The following PCDHGA8 variants were observed in gnomAD, a reference collection of about 807,000 sequenced individuals.
PCDHGA8 encodes protocadherin gamma-A8.
Under a neutral mutation model 59.2 loss-of-function variants are expected in PCDHGA8, and 45 were observed. The ratio of observed to expected loss-of-function variants is 0.76; its 90% confidence interval spans 0.60 to 0.98. PCDHGA8 has a LOEUF of 0.98. Ranked by LOEUF, PCDHGA8 falls within the 50% of genes least tolerant of loss-of-function variation. PCDHGA8 has a pLI of 0.00. For synonymous variants in PCDHGA8, 531 were observed against 519.0 expected, an observed-to-expected ratio of 1.02 and a Z score of -0.32; for missense variants, 1,257 against 1,196.2, an observed-to-expected ratio of 1.05 and a Z score of -0.75.
Position 141,486,914 on chromosome 5 carries a change from C to T in PCDHGA8, c.2425-7893C>T, listed in dbSNP as rs1469857080. On this transcript the variant is annotated intron_variant, in intron 1 of 3. Coordinates refer to ENST00000398604, the MANE Select transcript of PCDHGA8 (RefSeq NM_032088.2). This position sits in a 1 kb window ranked among gnomAD's most constrained non-coding sequence, Gnocchi z 5.0. ...TGGTTCCTTATGTCCCCAAGCACTG[C>T]CTCCATCAGTTGGTGCTGGCCACCT... The T allele has an allele frequency of 6.2e-7, 1 of 1,614,236 alleles. No individual in the cohort carries two copies.
chr5:141,460,981 GTGTATATATA>G (rs1332002052), intron 1 of PCDHGA8, among the ~76,000 whole-genome samples: 6 of 121,884 alleles, frequency 4.9e-5, no homozygotes, highest in Non-Finnish European at 1.0e-4. Flanking sequence ...GTGTGTGTGT[GTGTATATATA>G]TATATGTGTA....
At chr5:141,467,597 A>T (rs2099147099) in intron 1 of PCDHGA8, among the ~76,000 whole-genome samples, 1 of 152,136 alleles carries the variant, frequency 6.6e-6, no homozygotes, top group Non-Finnish European at 1.5e-5. Flanking sequence ...TTTATTAAGC[A>T]CTTCATCTTT....
chr5:141,423,758 G>GGGT, intron 1 of PCDHGA8: 1 of 366,842 alleles, frequency 2.7e-6, no homozygotes, highest in Non-Finnish European at 3.8e-6. Context: ...TTTGGGGGGG[G>GGGT]GGTGGGGCGG....
In PCDHGA8 at chr5:141,512,739, T is replaced by C. The variant is rs1251649814; in HGVS notation, c.*1566T>C. The stretch of plus-strand genomic sequence containing the variant: ...GGCGGGTGGGCAGCGGGCGGCGGGC[T>C]CCGCGCAGCCGTCTGTCCTTGATCT... On this transcript the variant is annotated 3_prime_UTR_variant, in exon 4 of 4. Transcript: ENST00000398604. 1 of 152,822 alleles carries C rather than the reference T, an allele frequency of 6.5e-6. No individual in the cohort carries two copies. The highest frequency in any genetic ancestry group is 2.4e-5 in the African/African-American group (1 of 41,464). 9.5% of individuals were successfully genotyped at this position (152,822 alleles called of 1,614,324 possible).
chr5:141,434,747 C>T (rs2097714000), intron 1 of PCDHGA8, among the ~76,000 whole-genome samples: 1 of 151,606 alleles, frequency 6.6e-6, no homozygotes, highest in South Asian at 2.1e-4. Flanking sequence ...GCTATGAGAC[C>T]CCTGATTCCC....
chr5:141,457,079 C>T (rs114054058), intron 1 of PCDHGA8, among the ~76,000 whole-genome samples: 2,973 of 152,194 alleles, frequency 0.02, 43 homozygotes, highest in African/African-American at 0.029. Flanking sequence ...AACTATTATC[C>T]CTGCTATAAG....
At chr5:141,413,572 A>C in intron 1 of PCDHGA8, 2 of 1,613,890 alleles carry the variant, frequency 1.2e-6, no homozygotes, top group Non-Finnish European at 1.7e-6. Context: ...TATCAATGAC[A>C]ATGCTCCAAA....
chr5:141,505,143 C>G lies in PCDHGA8; in HGVS notation c.2484-250C>G, dbSNP rs578261428. ...CGCCACTGCACTCCAGCCTGGATGA[C>G]AGAGTAAGACCCTGTCTAAAACAAA... On this transcript the variant is annotated intron_variant, in intron 2 of 3. Coordinates refer to ENST00000398604, the MANE Select transcript of PCDHGA8 (RefSeq NM_032088.2). Among the ~76,000 whole-genome samples the G allele has an allele frequency of 3.3e-5, 5 of 152,290 alleles. No homozygotes were observed. The East Asian group carries it at 7.7e-4, about 24-fold the overall frequency.
At chr5:141,446,798 T>C (rs1223789118) in intron 1 of PCDHGA8, among the ~76,000 whole-genome samples, 1 of 152,160 alleles carries the variant, frequency 6.6e-6, no homozygotes, top group Non-Finnish European at 1.5e-5. Flanking sequence ...AGTTCTTCCA[T>C]TGTGATCATC....
intron 2 of PCDHGA8, among the ~76,000 whole-genome samples, chr5:141,497,879 G>A (rs62379207): frequency 4.6e-4 from 70 of 152,244 alleles, no homozygotes; most frequent in Non-Finnish European, 8.2e-4. Flanking sequence ...TGAAATAAGC[G>A]TTAGGATCTA....
intron 1 of PCDHGA8, chr5:141,409,110 A>T: frequency 6.2e-7 from 1 of 1,614,060 alleles, no homozygotes; most frequent in Non-Finnish European, 8.5e-7. Context: ...ATGATTAAGA[A>T]TAACCAGTCA....
At chr5:141,480,021 C>T (rs1415230863) in intron 1 of PCDHGA8, among the ~76,000 whole-genome samples, 2 of 152,208 alleles carry the variant, frequency 1.3e-5, no homozygotes, top group East Asian at 3.8e-4. Flanking sequence ...AATCTCCTTT[C>T]TAAGCCTCTT....
chr5:141,502,634 T>C (rs1306951640), intron 2 of PCDHGA8, among the ~76,000 whole-genome samples: 1 of 152,228 alleles, frequency 6.6e-6, no homozygotes. Flanking sequence ...CTGTGGATGA[T>C]ACTTTGAGAT....
At chr5:141,409,872 A>T in intron 1 of PCDHGA8, 1 of 1,612,828 alleles carries the variant, frequency 6.2e-7, no homozygotes. Context: ...GACCGCAATG[A>T]CAACGCACCG....
intron 1 of PCDHGA8, chr5:141,414,071 A>C: frequency 6.2e-7 from 1 of 1,606,780 alleles, no homozygotes; most frequent in Non-Finnish European, 8.5e-7. Flanking sequence ...TTCCAACTAA[A>C]CAAATATACT....
chr5:141,421,953 G>A lies in PCDHGA8; in HGVS notation c.2424+26716G>A, dbSNP rs193141134. On this transcript the variant is annotated intron_variant, in intron 1 of 3. Coordinates refer to ENST00000398604, the MANE Select transcript of PCDHGA8 (RefSeq NM_032088.2). ...TCGATGTAAATGATCACATCCCAATGTTTACACAGTCCGTATATCGCGTGA... is the reference window on the plus strand; with the variant it reads ...TCGATGTAAATGATCACATCCCAATATTTACACAGTCCGTATATCGCGTGA... 1.8e-4 allele frequency: 295 copies of A among 1,612,962 alleles called. 5 individuals are homozygous for A. In the East Asian group the frequency reaches 4.0e-3, roughly 22 times the overall value.
At chr5:141,478,694 T>A (rs2099472305) in intron 1 of PCDHGA8, 1 of 1,550,598 alleles carries the variant, frequency 6.4e-7, no homozygotes, top group Admixed American at 2.0e-5. Flanking sequence ...TAGATCAAAG[T>A]TAGTGCCTTT....
rs1219045744 is a variant in PCDHGA8 at position 141,476,783 on chromosome 5, G to T, written c.2425-18024G>T. The stretch of plus-strand genomic sequence containing the variant: ...GACGGCGTTGGACGGAGGGACCCCA[G>T]CTCTCTCCGCCAGCCTGCCTATTCA... On this transcript the variant is annotated intron_variant, in intron 1 of 3. Transcript: ENST00000398604. The surrounding 1 kb of genome is among the most constrained non-coding windows in gnomAD (Gnocchi z 7.6). 5 of 1,613,392 alleles carry T rather than the reference G, an allele frequency of 3.1e-6. No homozygotes were observed. The highest frequency in any genetic ancestry group is 2.7e-5 in the African/African-American group (2 of 74,930).
intron 1 of PCDHGA8, among the ~76,000 whole-genome samples, chr5:141,469,088 G>A (rs1388316490): frequency 6.6e-6 from 1 of 151,604 alleles, no homozygotes; most frequent in Non-Finnish European, 1.5e-5. Context: ...ACCATTCTAG[G>A]CAACAAAGCA....
Sources: allele counts gnomAD v4.1 joint callset (sites outside exome capture counted in the v4.1 genomes callset), GRCh38; gene constraint gnomAD v4.1.1; non-coding constraint Gnocchi (gnomAD v3.1); transcripts MANE v1.5; gene names NCBI Gene and HGNC (gene_info 2026-07-23, HGNC 2026-07-21).